COL23A1: variants seen among roughly 807,000 people sequenced by gnomAD.
COL23A1 encodes collagen alpha-1(XXIII) chain.
COL23A1 carries 97 observed loss-of-function variants against 99.3 expected under a neutral mutation model. That is an observed-to-expected ratio of 0.98 (90% CI 0.83 to 1.16). The LOEUF is 1.16. COL23A1 is among the 50% of genes most tolerant of loss of function. The pLI is 0.00. For synonymous variants in COL23A1, 320 were observed against 308.2 expected, an observed-to-expected ratio of 1.04 and a Z score of -0.40; for missense variants, 762 against 757.4, an observed-to-expected ratio of 1.01 and a Z score of -0.07.
intron 4 of COL23A1, among the ~76,000 whole-genome samples, chr5:178,289,425 G>C (rs1331496425): frequency 6.6e-6 from 1 of 152,150 alleles, no homozygotes; most frequent in Non-Finnish European, 1.5e-5. Context: ...GGCCGGCCAG[G>C]AGAAGTTCAA....
intron 2 of COL23A1, among the ~76,000 whole-genome samples, chr5:178,425,854 A>T (rs1374743941): frequency 6.6e-6 from 1 of 152,184 alleles, no homozygotes; most frequent in East Asian, 1.9e-4. Context: ...GTGTCTTGAG[A>T]GTGCCGTGGC....
chr5:178,486,335 G>A (rs1190001050), intron 2 of COL23A1, among the ~76,000 whole-genome samples: 1 of 152,202 alleles, frequency 6.6e-6, no homozygotes, highest in South Asian at 2.1e-4. Flanking sequence ...TCTTAGCCCA[G>A]GGAGGCTTAG....
At chr5:178,331,227 C>T (rs1034507638) in intron 2 of COL23A1, among the ~76,000 whole-genome samples, 2 of 152,194 alleles carry the variant, frequency 1.3e-5, no homozygotes, top group African/African-American at 4.8e-5. Flanking sequence ...GGCTCTGTGT[C>T]AAAGGAACCT....
In COL23A1 at chr5:178,384,696, G is replaced by GGGCCTCACCCACTGAATCAGA. The variant is rs1763575239; in HGVS notation, c.362-77798_362-77778dup. On this transcript the variant is annotated intron_variant, in intron 2 of 28. Transcript: ENST00000390654. This position sits in a 1 kb window ranked among gnomAD's most constrained non-coding sequence, Gnocchi z 5.5. ...AGTTTCAGAGCCAGAAGCCTCCTGG[G>GGGCCTCACCCACTGAATCAGA]GGCCTCACCCACTGAATCAGAGTGC... Among the ~76,000 whole-genome samples, 2 of 152,156 alleles carry GGGCCTCACCCACTGAATCAGA rather than the reference G, an allele frequency of 1.3e-5. No homozygotes were observed. The highest frequency in any genetic ancestry group is 1.3e-4 in the Admixed American group (2 of 15,278).
intron 2 of COL23A1, among the ~76,000 whole-genome samples, chr5:178,474,061 G>C (rs866727794): frequency 1.3e-5 from 2 of 152,318 alleles, no homozygotes; most frequent in Middle Eastern, 6.8e-3. Context: ...GGTGTTCGCA[G>C]CAAGGAACAC....
At chr5:178,327,613 C>T (rs982661990) in intron 2 of COL23A1, among the ~76,000 whole-genome samples, 6 of 152,112 alleles carry the variant, frequency 3.9e-5, no homozygotes, top group African/African-American at 9.7e-5. Flanking sequence ...TGGAGGAGAC[C>T]GGGGCTCAGG....
At chr5:178,541,982 T>C (rs892326304) in intron 2 of COL23A1, among the ~76,000 whole-genome samples, 1 of 152,214 alleles carries the variant, frequency 6.6e-6, no homozygotes, top group African/African-American at 2.4e-5. Context: ...AGGTGTGAGC[T>C]GCAAACTTAC....
chr5:178,542,841 C>T (rs1291132050), intron 2 of COL23A1, among the ~76,000 whole-genome samples: 1 of 152,184 alleles, frequency 6.6e-6, no homozygotes, highest in Non-Finnish European at 1.5e-5. Context: ...GAGAATGGTG[C>T]TCCTATACTG....
At chr5:178,292,840 C>T (rs1474409992) in intron 3 of COL23A1, among the ~76,000 whole-genome samples, 1 of 152,142 alleles carries the variant, frequency 6.6e-6, no homozygotes. Context: ...AAGCTTGGCA[C>T]ACGTGGCACT....
At chr5:178,321,760 A>G (rs1055385303) in intron 2 of COL23A1, among the ~76,000 whole-genome samples, 2 of 151,914 alleles carry the variant, frequency 1.3e-5, no homozygotes, top group African/African-American at 4.8e-5. Context: ...AAGTGCTGGG[A>G]TTACAGGCGT....
intron 2 of COL23A1, among the ~76,000 whole-genome samples, chr5:178,401,820 CT>C (rs1764462578): frequency 1.3e-5 from 2 of 152,070 alleles, no homozygotes; most frequent in Admixed American, 6.6e-5. Flanking sequence ...TTGCCTTTGT[CT>C]TTTTTTCTTT....
chr5:178,298,230 G>A (rs1176746501), intron 3 of COL23A1, among the ~76,000 whole-genome samples: 1 of 152,222 alleles, frequency 6.6e-6, no homozygotes, highest in Non-Finnish European at 1.5e-5. Flanking sequence ...CTGAATGGAT[G>A]TGGCCCAAGA....
At chr5:178,477,321 T>C (rs149983181) in intron 2 of COL23A1, among the ~76,000 whole-genome samples, 1 of 152,272 alleles carries the variant, frequency 6.6e-6, no homozygotes, top group Non-Finnish European at 1.5e-5. Context: ...AGGCATCAAC[T>C]CATGCTATGG....
intron 2 of COL23A1, among the ~76,000 whole-genome samples, chr5:178,375,998 C>A (rs954893682): frequency 1.3e-5 from 2 of 152,214 alleles, no homozygotes; most frequent in East Asian, 3.9e-4. Flanking sequence ...TGAGCCACCA[C>A]GCCCGGCTCC....
At chr5:178,359,388 TGTG>T (rs1762055499) in intron 2 of COL23A1, among the ~76,000 whole-genome samples, 1 of 151,986 alleles carries the variant, frequency 6.6e-6, no homozygotes, top group Non-Finnish European at 1.5e-5. Context: ...ATTAGCTGGA[TGTG>T]GTGGTGGGTG....
intron 1 of COL23A1, among the ~76,000 whole-genome samples, chr5:178,588,005 C>A (rs1335093881): frequency 6.6e-6 from 1 of 152,250 alleles, no homozygotes; most frequent in Non-Finnish European, 1.5e-5. Context: ...CCACGCACAG[C>A]ATGCGCCTCA....
At chr5:178,352,777 G>GC (rs1561889129) in intron 2 of COL23A1, among the ~76,000 whole-genome samples, 1 of 152,156 alleles carries the variant, frequency 6.6e-6, no homozygotes, top group African/African-American at 2.4e-5. Context: ...AAACATAACT[G>GC]CCCCCCAGGG....
chr5:178,245,409 G>T (rs371673794), intron 25 of COL23A1, among the ~76,000 whole-genome samples: 10 of 143,306 alleles, frequency 7.0e-5, no homozygotes, highest in Non-Finnish European at 1.5e-4. Flanking sequence ...ATGGATGGAT[G>T]AGTCCATTCA....
chr5:178,313,438 G>C lies in COL23A1; in HGVS notation c.362-6519C>G, dbSNP rs1758812152. Among the ~76,000 whole-genome samples the C allele has an allele frequency of 6.6e-6, 1 of 152,216 alleles. No individual in the cohort carries two copies. The highest frequency in any genetic ancestry group is 1.5e-5 in the Non-Finnish European group (1 of 68,024). On this transcript the variant is annotated intron_variant, in intron 2 of 28. Transcript: ENST00000390654. This position sits in a 1 kb window ranked among gnomAD's most constrained non-coding sequence, Gnocchi z 4.2. Reference sequence around the variant, plus strand: ...ACCCCTGAGCGAGGCTGTGAGCCGGGCCGTCCTGATGGAGACTGTGGGGAT... The same window carrying C: ...ACCCCTGAGCGAGGCTGTGAGCCGGCCCGTCCTGATGGAGACTGTGGGGAT...
Sources: gnomAD v4.1 joint callset for allele counts (sites outside exome capture counted in the v4.1 genomes callset) on GRCh38, gnomAD v4.1.1 for gene constraint, Gnocchi (gnomAD v3.1) non-coding constraint, MANE v1.5 for transcripts, NCBI Gene and HGNC (gene_info 2026-07-23, HGNC 2026-07-21) for gene names.